KIF1B: variants seen among roughly 807,000 people sequenced by gnomAD.
The protein encoded by KIF1B is kinesin family member 1B, also known as kinesin-like protein KIF1B.
KIF1B carries 76 observed loss-of-function variants against 241.9 expected under a neutral mutation model. The ratio of observed to expected loss-of-function variants is 0.31; its 90% CI spans 0.26 to 0.38. The LOEUF (loss-of-function observed/expected upper bound fraction) is 0.38, where lower values mean the gene tolerates loss of function less well. Ranked by LOEUF, KIF1B falls within the 10% of genes least tolerant of loss-of-function variation. The pLI, the probability that KIF1B is intolerant of heterozygous loss-of-function variation, is 1.00. For synonymous variants in KIF1B, 750 were observed against 796.7 expected (o/e 0.94, Z 0.99); for missense variants, 1,622 against 2,271.4 (o/e 0.71, Z 5.81).
Position 10,375,391 on chromosome 1 carries a change from T to C in KIF1B, c.5408+18T>C. The C allele has an allele frequency of 6.3e-7, 1 of 1,595,936 alleles. No individual in the cohort carries two copies. The highest frequency in any genetic ancestry group is 2.0e-4 in the Middle Eastern group (1 of 5,018). On this transcript the variant is annotated intron_variant, in intron 48 of 48. Coordinates refer to ENST00000676179, the MANE Select transcript of KIF1B (RefSeq NM_001365951.3). ...ACAATACGGTAAGAAGTTTTGTTGT[T>C]GTTGTTGTTGTTTTTGAGACGGAGT...
intron 4 of KIF1B, among the ~76,000 whole-genome samples, chr1:10,260,682 TG>T (rs1230198061): frequency 6.6e-6 from 1 of 151,892 alleles, no homozygotes; most frequent in African/African-American, 2.4e-5. Flanking sequence ...CTGACCAACA[TG>T]GTGAAACCCC....
At chr1:10,330,363 G>A (rs1651875918) in intron 27 of KIF1B, among the ~76,000 whole-genome samples, 1 of 152,026 alleles carries the variant, frequency 6.6e-6, no homozygotes, top group Admixed American at 6.6e-5. Flanking sequence ...TATAATAATG[G>A]CCTTCAATGC....
chr1:10,377,412 G>C lies in KIF1B; in HGVS notation c.*825G>C, dbSNP rs769062614. 1 of 227,450 alleles carries C rather than the reference G, an allele frequency of 4.4e-6. No homozygotes were observed. The highest frequency in any genetic ancestry group is 8.7e-6 in the Non-Finnish European group (1 of 114,492). The allele number at this position is 227,450 out of a possible 1,614,324, so 14.1% of individuals were successfully genotyped here. A position where few individuals can be genotyped will look rare whatever the true frequency, so the allele number is the denominator to read the frequency against. On this transcript the variant is annotated 3_prime_UTR_variant, in exon 49 of 49. Transcript: ENST00000676179. ...GGACCCCAGGGTTTGGCCGTGGGCC[G>C]TGATGGCAGCAGGCGGTGGGATGCT...
At chr1:10,272,458 G>A (rs760711199) in intron 9 of KIF1B, 152 bp downstream of exon 9, 19 of 693,158 alleles carry the variant, frequency 2.7e-5, no homozygotes, top group Middle Eastern at 4.7e-4. Context: ...AAGATACTAG[G>A]TATAACACAG....
intron 23 of KIF1B, among the ~76,000 whole-genome samples, chr1:10,321,316 C>G (rs571808238): frequency 6.6e-6 from 1 of 152,050 alleles, no homozygotes; most frequent in Non-Finnish European, 1.5e-5. Flanking sequence ...GTTGGCCAGG[C>G]TGGCCTCAAA....
Position 10,374,666 on chromosome 1 carries a change from G to T in KIF1B, c.5097-188G>T, listed in dbSNP as rs901071099. Among the ~76,000 whole-genome samples, 1 of 152,196 alleles carries T rather than the reference G, an allele frequency of 6.6e-6. No homozygotes were observed. Among genetic ancestry groups the T allele is most frequent in the African/African-American group, 2.4e-5 (1 of 41,448 alleles). On this transcript the variant is annotated intron_variant, in intron 46 of 48. Coordinates refer to ENST00000676179, the MANE Select transcript of KIF1B (RefSeq NM_001365951.3). The surrounding 1 kb of genome is among the most constrained non-coding windows in gnomAD (Gnocchi z 4.3). ...CATAATGCATCTGCACCCTGGCGCA[G>T]CATGTTGCCATGGCACGGTTTCGCT... is the stretch of plus-strand genomic sequence containing the variant.
chr1:10,231,618 C>G (rs938133073), intron 1 of KIF1B, among the ~76,000 whole-genome samples: 3 of 151,798 alleles, frequency 2.0e-5, no homozygotes, highest in Non-Finnish European at 4.4e-5. Context: ...AACTCCTGAC[C>G]TCAAGTGATC....
intron 40 of KIF1B, among the ~76,000 whole-genome samples, chr1:10,362,874 C>T (rs924968930): frequency 6.6e-6 from 1 of 152,044 alleles, no homozygotes; most frequent in African/African-American, 2.4e-5. Flanking sequence ...AGTTCAAGAC[C>T]AGCCTGGGCA....
chr1:10,239,906 C>CA (rs1176043576), intron 2 of KIF1B, among the ~76,000 whole-genome samples: 14 of 152,084 alleles, frequency 9.2e-5, no homozygotes. Flanking sequence ...GCTGGGACTA[C>CA]AAGCACCCGC....
chr1:10,215,169 TA>T (rs1220323270), intron 1 of KIF1B, among the ~76,000 whole-genome samples: 1,193 of 52,826 alleles, frequency 0.023, 11 homozygotes, highest in East Asian at 0.04. Flanking sequence ...TATATATATA[TA>T]TATTTTTTTT....
At chr1:10,230,518 C>G (rs1435738495) in intron 1 of KIF1B, among the ~76,000 whole-genome samples, 3 of 151,712 alleles carry the variant, frequency 2.0e-5, no homozygotes, top group African/African-American at 7.3e-5. Context: ...TCACTGCAAC[C>G]TCCACCTCCT....
intron 10 of KIF1B, among the ~76,000 whole-genome samples, chr1:10,273,484 T>G (rs994386172): frequency 1.3e-5 from 2 of 152,062 alleles, no homozygotes; most frequent in Non-Finnish European, 1.5e-5. Context: ...CCTCAAGGAT[T>G]ACATAGTGGA....
intron 2 of KIF1B, among the ~76,000 whole-genome samples, chr1:10,247,628 C>T (rs1647245087): frequency 6.6e-6 from 1 of 152,138 alleles, no homozygotes; most frequent in African/African-American, 2.4e-5. Flanking sequence ...AATGACAGTT[C>T]TGTATAGTTA....
chr1:10,283,072 T>C (rs2102233920), intron 15 of KIF1B, among the ~76,000 whole-genome samples: 2 of 151,844 alleles, frequency 1.3e-5, no homozygotes, highest in South Asian at 4.2e-4. Context: ...CCGGGCGTGG[T>C]GGCGGGCACC....
chr1:10,360,206 G>A (rs1638379667), intron 38 of KIF1B, among the ~76,000 whole-genome samples: 1 of 152,092 alleles, frequency 6.6e-6, no homozygotes, highest in Non-Finnish European at 1.5e-5. Context: ...GAAGATTGAA[G>A]CTGACAAGTT....
chr1:10,363,799 C>G (rs1307557481), intron 41 of KIF1B, among the ~76,000 whole-genome samples: 1 of 152,206 alleles, frequency 6.6e-6, no homozygotes, highest in Non-Finnish European at 1.5e-5. Context: ...CGGAGTTAAG[C>G]AGCACTTAGC....
chr1:10,307,107 C>T (rs750649634), intron 22 of KIF1B: 14 of 1,033,200 alleles, frequency 1.4e-5, no homozygotes, highest in Non-Finnish European at 1.6e-5. Context: ...TAAAATATCC[C>T]TTAATTTCAC....
Position 10,295,646 on chromosome 1 carries a change from T to C in KIF1B, c.1671-14T>C, listed in dbSNP as rs753970500. ...GTCTGAATTTCCCTGGGAAACACTT[T>C]CTCTTGTGTTCAGGGTTGGCCAAGC... On this transcript the variant is annotated splice_polypyrimidine_tract_variant and intron_variant, in intron 18 of 48. Transcript: ENST00000676179. The C allele has an allele frequency of 5.0e-6, 8 of 1,610,052 alleles. No individual in the cohort carries two copies. The Admixed American group carries it at 1.2e-4, about 23-fold the overall frequency.
At chr1:10,295,818 G>A (rs1488334778) in intron 19 of KIF1B, 52 bp downstream of exon 19, 1 of 1,428,646 alleles carries the variant, frequency 7.0e-7, no homozygotes, top group East Asian at 2.3e-5. Context: ...TTTATATTAT[G>A]AGAAATCCTT....
Sources: gnomAD v4.1 joint callset for allele counts (sites outside exome capture counted in the v4.1 genomes callset) on GRCh38, gnomAD v4.1.1 for gene constraint, Gnocchi (gnomAD v3.1) non-coding constraint, MANE v1.5 for transcripts, NCBI Gene and HGNC (gene_info 2026-07-23, HGNC 2026-07-21) for gene names.